The following DAPK1 variants were observed in gnomAD, a reference collection of about 807,000 sequenced individuals.
DAPK1 encodes death-associated protein kinase 1.
In DAPK1, 56 loss-of-function variants were observed where a neutral mutation model predicts 144.9. The observed-to-expected ratio is 0.39, with a 90% CI of 0.31 to 0.48. The LOEUF (loss-of-function observed/expected upper bound fraction) is 0.48, where lower values mean the gene tolerates loss of function less well. Ranked by LOEUF, DAPK1 falls within the 20% of genes least tolerant of loss-of-function variation. The pLI, the probability that DAPK1 is intolerant of heterozygous loss-of-function variation, is 0.95. For synonymous variants in DAPK1, 690 were observed against 749.0 expected (o/e 0.92, Z 1.29); for missense variants, 1,454 against 1,875.4 (o/e 0.78, Z 4.15).
At chr9:87,508,294 G>A (rs940451463) in intron 2 of DAPK1, among the ~76,000 whole-genome samples, 1 of 151,762 alleles carries the variant, frequency 6.6e-6, no homozygotes, top group African/African-American at 2.4e-5. Flanking sequence ...TTACAGGTGT[G>A]AGTCGCCGCA....
intron 2 of DAPK1, among the ~76,000 whole-genome samples, chr9:87,597,520 C>T (rs988277695): frequency 6.6e-6 from 1 of 152,158 alleles, no homozygotes; most frequent in South Asian, 2.1e-4. Flanking sequence ...TTCTTGGCTT[C>T]TCTGAGAAGT....
Position 87,707,445 on chromosome 9 carries a change from G to A in DAPK1, c.*81G>A. The A allele has an allele frequency of 1.0e-6, 1 of 985,890 alleles. No homozygotes were observed. The highest frequency in any genetic ancestry group is 1.6e-5 in the South Asian group (1 of 61,298). The allele number at this position is 985,890 out of a possible 1,614,324, so 61.1% of individuals were successfully genotyped here. A position where few individuals can be genotyped will look rare whatever the true frequency, so the allele number is the denominator to read the frequency against. On this transcript the variant is annotated 3_prime_UTR_variant, in exon 26 of 26. Coordinates refer to ENST00000408954, the MANE Select transcript of DAPK1 (RefSeq NM_004938.4). The surrounding 1 kb of genome is among the most constrained non-coding windows in gnomAD (Gnocchi z 4.0). ...GTAGCCCATCCTTCCCTTTGGAGAT[G>A]CTGAGGGTGTTTCTTCCTGCACCCA...
chr9:87,609,068 GC>G (rs562902710), intron 3 of DAPK1, among the ~76,000 whole-genome samples: 214 of 152,284 alleles, frequency 1.4e-3, no homozygotes, highest in African/African-American at 4.9e-3. Flanking sequence ...TCTGCGGGAG[GC>G]CCGAATAGAA....
At chr9:87,549,390 G>T (rs943538920) in intron 2 of DAPK1, among the ~76,000 whole-genome samples, 2 of 152,112 alleles carry the variant, frequency 1.3e-5, no homozygotes, top group Non-Finnish European at 2.9e-5. Context: ...GAATAGTGCT[G>T]CAGTGAACAT....
chr9:87,628,371 CAG>C (rs1829554388), intron 3 of DAPK1, among the ~76,000 whole-genome samples: 3 of 152,298 alleles, frequency 2.0e-5, no homozygotes, highest in African/African-American at 4.8e-5. Context: ...TTGAGGGAAA[CAG>C]AGCATAGAAG....
intron 2 of DAPK1, among the ~76,000 whole-genome samples, chr9:87,601,151 C>G (rs761929718): frequency 6.6e-6 from 1 of 152,240 alleles, no homozygotes; most frequent in Admixed American, 6.5e-5. Context: ...AGCAGCAATT[C>G]ACCAACAGTC....
intron 9 of DAPK1, 124 bp from the exon 10 acceptor site, chr9:87,641,841 CTTCT>C (rs1311223350): frequency 1.1e-5 from 8 of 706,260 alleles, no homozygotes; most frequent in Non-Finnish European, 1.9e-5. Context: ...GTTATCCCAA[CTTCT>C]TATGCTAATT....
Position 87,686,814 on chromosome 9 carries a change from CT to C in DAPK1, c.2413+77del. ...GGTTGTAAGTCATCCCTAAAGGGAGCTTGTCCTGAGCTGTATCTGTCACTTC... is the reference window on the plus strand; with the variant it reads ...GGTTGTAAGTCATCCCTAAAGGGAGCTGTCCTGAGCTGTATCTGTCACTTC... On this transcript the variant is annotated intron_variant, in intron 21 of 25. Coordinates refer to ENST00000408954, the MANE Select transcript of DAPK1 (RefSeq NM_004938.4). This position sits in a 1 kb window ranked among gnomAD's most constrained non-coding sequence, Gnocchi z 4.2. 1 of 1,396,648 alleles carries C rather than the reference CT, an allele frequency of 7.2e-7. No homozygotes were observed. Among genetic ancestry groups the C allele is most frequent in the Middle Eastern group, 2.0e-4 (1 of 5,084 alleles). The allele number at this position is 1,396,648 out of a possible 1,614,324, so 86.5% of individuals were successfully genotyped here.
rs778616058 is a variant in DAPK1, at chr9:87,650,091, T to A, written c.1599T>A (p.His533Gln). 6.2e-7 allele frequency: 1 copy of A among 1,614,100 alleles called. No homozygotes were observed. Among genetic ancestry groups the A allele is most frequent in the South Asian group, 1.1e-5 (1 of 91,078 alleles). ...YHDIVECLAE[H>Q]GADLNACDKD... The stretch of plus-strand genomic sequence containing the variant: ...ACATCGTGGAGTGTCTGGCCGAACA[T>A]GGAGCCGACCTTAATGCTTGCGACA... Residue 533 changes from histidine to glutamine, a missense_variant, in exon 16 of 26, where the codon CAT (histidine) becomes CAA (glutamine). Physicochemically the swap from His to Gln is conservative, Grantham distance 24 (BLOSUM62 0). Around this residue, in one of 2 missense-constraint regions of DAPK1, gnomAD observed 1,025 missense variants for 1,237.9 expected, o/e 0.83. Transcript: ENST00000408954.
At chr9:87,676,885 G>A (rs974074901) in intron 19 of DAPK1, among the ~76,000 whole-genome samples, 2 of 152,196 alleles carry the variant, frequency 1.3e-5, no homozygotes, top group Admixed American at 6.5e-5. Flanking sequence ...TGCTTCTGAG[G>A]AACCTGCCAC....
intron 17 of DAPK1, chr9:87,657,687 T>C (rs1004222679): frequency 6.2e-6 from 2 of 324,462 alleles, no homozygotes; most frequent in Non-Finnish European, 1.2e-5. Flanking sequence ...CTTCCATGTC[T>C]TCTTCCCTGG....
rs752888985 is a variant in DAPK1, at chr9:87,499,128, G to A, written c.51G>A (p.Glu17=). The A allele has an allele frequency of 6.2e-7, 1 of 1,613,984 alleles. No homozygotes were observed. The highest frequency in any genetic ancestry group is 1.1e-5 in the South Asian group (1 of 91,064). The change falls in exon 2 of 26, where the codon GAG becomes GAA. Residue 17 remains glutamate (E), a synonymous_variant. Transcript: ENST00000408954. ...ENVDDYYDTG[E]ELGSGQFAVV... is the part of the protein sequence containing the mutation. ...TGGATGATTACTACGACACCGGCGA[G>A]GAACTTGGCAGGTAAAGGGGGTACC...
chr9:87,656,775 G>A (rs369479520), intron 17 of DAPK1, among the ~76,000 whole-genome samples: 1 of 152,150 alleles, frequency 6.6e-6, no homozygotes, highest in Non-Finnish European at 1.5e-5. Flanking sequence ...CTGTTAGGTG[G>A]ACAAAGCAAG....
chr9:87,526,250 A>G (rs1825504168), intron 2 of DAPK1, among the ~76,000 whole-genome samples: 1 of 152,190 alleles, frequency 6.6e-6, no homozygotes, highest in Non-Finnish European at 1.5e-5. Flanking sequence ...TAGTCATGGA[A>G]CTACTACTGC....
At chr9:87,619,952 C>T (rs1453503744) in intron 3 of DAPK1, among the ~76,000 whole-genome samples, 1 of 152,166 alleles carries the variant, frequency 6.6e-6, no homozygotes, top group Non-Finnish European at 1.5e-5. Flanking sequence ...TCTCCTTTAC[C>T]CATTACAGCA....
In DAPK1 at chr9:87,645,416, CA is replaced by C. The variant is rs554158627; in HGVS notation, c.1012-477del. 3.0e-3 allele frequency among the ~76,000 whole-genome samples: 461 copies of C among 152,202 alleles called. 1 individual carries two copies. The highest frequency in any genetic ancestry group is 0.011 in the African/African-American group (447 of 41,534). ...TCTATACCTAGCAATGGAAGAAATT[CA>C]AGTGATCAGAAAACAATTCTGTAAT... On this transcript the variant is annotated intron_variant, in intron 11 of 25. Transcript: ENST00000408954.
At chr9:87,571,527 A>AC (rs145771371) in intron 2 of DAPK1, among the ~76,000 whole-genome samples, 4 of 141,294 alleles carry the variant, frequency 2.8e-5, no homozygotes, top group African/African-American at 1.1e-4. Flanking sequence ...ACACACACAC[A>AC]CCAGAAGCGA....
chr9:87,497,910 G>A lies in DAPK1; in HGVS notation c.-306G>A, dbSNP rs1006743514. The stretch of plus-strand genomic sequence containing the variant: ...GACAGCCGGACCGAGCCAACGCCGG[G>A]GACTTTGTTCCCTCCGCGGAGGGGA... On this transcript the variant is annotated 5_prime_UTR_variant, in exon 1 of 26. Transcript: ENST00000408954. The A allele has an allele frequency of 7.6e-6, 3 of 395,356 alleles. No homozygotes were observed. Among genetic ancestry groups the A allele is most frequent in the Admixed American group, 8.8e-5 (2 of 22,622 alleles). The allele number at this position is 395,356 out of a possible 1,614,324, so 24.5% of individuals were successfully genotyped here.
intron 3 of DAPK1, 148 bp downstream of exon 3, chr9:87,605,323 G>A (rs1184351819): frequency 9.0e-6 from 6 of 664,958 alleles, no homozygotes; most frequent in Non-Finnish European, 1.5e-5. Context: ...ATGCCGTGCT[G>A]CCTGACCTGA....
Sources: gnomAD v4.1 joint callset for allele counts (sites outside exome capture counted in the v4.1 genomes callset) on GRCh38, gnomAD v4.1.1 for gene constraint, gnomAD v4.1.1 regional missense constraint, Gnocchi (gnomAD v3.1) non-coding constraint, MANE v1.5 for transcripts, NCBI Gene and HGNC (gene_info 2026-07-23, HGNC 2026-07-21) for gene names.